EFHB: variants seen among roughly 807,000 people sequenced by gnomAD.
EFHB encodes EF-hand domain family member B, also known as EF-hand domain-containing family member B.
A neutral mutation model predicts 87.2 loss-of-function variants in EFHB; 91 were observed. That is an observed-to-expected ratio of 1.04 (90% CI 0.88 to 1.24). EFHB has a LOEUF of 1.24. EFHB is among the 50% of genes most tolerant of loss of function. The pLI, the probability that EFHB is intolerant of heterozygous loss-of-function variation, is 0.00. For synonymous variants in EFHB, 325 were observed against 333.6 expected (o/e 0.97, Z 0.28); for missense variants, 1,084 against 998.8 (o/e 1.09, Z -1.15).
chr3:19,920,532 T>A lies in EFHB; in HGVS notation c.825A>T (p.Ala275=). Residue 275 remains alanine (A), a synonymous_variant, in exon 2 of 13, where the codon GCA becomes GCT. Coordinates refer to ENST00000295824, the MANE Select transcript of EFHB (RefSeq NM_144715.4). ...TGGGAAGTTTTTCAGTCAAGCAGGT[T>A]GCAACTCTGTAACCAACTGGAATAA... ...GKVIPVGYRV[A]TCLTEKLPRL... 1.9e-6 allele frequency: 3 copies of A among 1,604,566 alleles called. No individual in the cohort carries two copies. The highest frequency in any genetic ancestry group is 2.5e-6 in the Non-Finnish European group (3 of 1,176,734).
At chr3:19,924,451 A>G (rs533426787) in intron 1 of EFHB, among the ~76,000 whole-genome samples, 7 of 152,112 alleles carry the variant, frequency 4.6e-5, no homozygotes, top group Admixed American at 2.6e-4. Context: ...TGACCTCGTG[A>G]TCCTCCCTCC....
intron 1 of EFHB, among the ~76,000 whole-genome samples, chr3:19,939,435 A>G (rs1268283102): frequency 2.6e-5 from 3 of 114,624 alleles, no homozygotes; most frequent in African/African-American, 1.0e-4. Context: ...CCCAGGCTGG[A>G]GTGCAGTGGC....
chr3:19,881,153 A>G (rs2125121121), intron 12 of EFHB, among the ~76,000 whole-genome samples: 1 of 152,150 alleles, frequency 6.6e-6, no homozygotes, highest in South Asian at 2.1e-4. Flanking sequence ...AAAACACAAT[A>G]CCCCTATGCA....
At chr3:19,883,062 A>G (rs1018452192) in intron 11 of EFHB, among the ~76,000 whole-genome samples, 6 of 151,910 alleles carry the variant, frequency 3.9e-5, no homozygotes, top group Middle Eastern at 6.9e-3. Context: ...ATGCAGTGGC[A>G]TGATCACAGC....
intron 9 of EFHB, among the ~76,000 whole-genome samples, chr3:19,893,233 G>A (rs1034957945): frequency 3.3e-5 from 5 of 152,120 alleles, no homozygotes; most frequent in African/African-American, 1.2e-4. Flanking sequence ...GAGCCACCAT[G>A]CCCAGCCCAT....
intron 9 of EFHB, among the ~76,000 whole-genome samples, chr3:19,891,975 C>T (rs1281462949): frequency 1.3e-5 from 2 of 152,162 alleles, no homozygotes; most frequent in African/African-American, 4.8e-5. Flanking sequence ...GGATCTCCCT[C>T]ATGCTCCTGA....
At chr3:19,896,905 T>TA in intron 8 of EFHB, 64 bp from the exon 9 acceptor site, 3 of 1,422,020 alleles carry the variant, frequency 2.1e-6, no homozygotes, top group Non-Finnish European at 1.9e-6. Flanking sequence ...TTCTATCTTT[T>TA]AAAAAAAGTG....
In EFHB at chr3:19,898,652, CA is replaced by C. The variant is rs2125130035; in HGVS notation, c.1570+125del. On this transcript the variant is annotated intron_variant, in intron 8 of 12. Transcript: ENST00000295824. ...TACACTTTTCTCATTAATGTTAATGCAACATTTTAAGTCTTTAAAATTAGAA... is the reference window on the plus strand; with the variant it reads ...TACACTTTTCTCATTAATGTTAATGCACATTTTAAGTCTTTAAAATTAGAA... The C allele has an allele frequency of 9.5e-6, 9 of 948,532 alleles. No individual in the cohort carries two copies. The South Asian group carries it at 1.1e-4, about 12-fold the overall frequency. The allele number at this position is 948,532 out of a possible 1,614,324, so 58.8% of individuals were successfully genotyped here. A position where few individuals can be genotyped will look rare whatever the true frequency, so the allele number is the denominator to read the frequency against.
At chr3:19,929,838 A>G (rs189945469) in intron 1 of EFHB, among the ~76,000 whole-genome samples, 111 of 152,308 alleles carry the variant, frequency 7.3e-4, no homozygotes, top group Non-Finnish European at 1.2e-3. Flanking sequence ...TTTGCACTCG[A>G]TAATAACAAC....
chr3:19,890,277 C>A (rs1347337697), intron 9 of EFHB, among the ~76,000 whole-genome samples: 2 of 152,180 alleles, frequency 1.3e-5, no homozygotes, highest in African/African-American at 4.8e-5. Context: ...TCCCTCCCTC[C>A]CCCAAGCCCT....
In EFHB at chr3:19,934,178, T is replaced by C; in HGVS notation, c.-160A>G. On this transcript the variant is annotated 5_prime_UTR_variant, in exon 1 of 13. Transcript: ENST00000295824. ...CTGTCCATTGCTTCCTGCCTGCCTC[T>C]TAACACCTAGCCGAGTTCACAGAGG... is the stretch of plus-strand genomic sequence containing the variant. 1 of 1,443,392 alleles carries C rather than the reference T, an allele frequency of 6.9e-7. No individual in the cohort carries two copies. The highest frequency in any genetic ancestry group is 9.0e-7 in the Non-Finnish European group (1 of 1,106,934). 89.4% of individuals were successfully genotyped at this position (1,443,392 alleles called of 1,614,324 possible).
intron 6 of EFHB, among the ~76,000 whole-genome samples, chr3:19,901,330 C>T (rs1207947690): frequency 2.0e-5 from 3 of 152,106 alleles, no homozygotes; most frequent in South Asian, 4.1e-4. Flanking sequence ...TCTTTTGAAA[C>T]GTGTAAAATT....
intron 9 of EFHB, among the ~76,000 whole-genome samples, chr3:19,889,516 T>C (rs1694228890): frequency 6.6e-6 from 1 of 152,200 alleles, no homozygotes; most frequent in Admixed American, 6.5e-5. Context: ...GCGTAGTATT[T>C]AAGCTCTTAC....
chr3:19,905,921 T>C (rs757258386), intron 5 of EFHB, among the ~76,000 whole-genome samples, 172 bp from the exon 6 acceptor site: 2 of 152,332 alleles, frequency 1.3e-5, no homozygotes. Flanking sequence ...CATTCCCCCA[T>C]GTGAGCTGGG....
rs540599213 is a variant in EFHB at position 19,931,020 on chromosome 3, C to T, written c.789+2210G>A. On this transcript the variant is annotated intron_variant, in intron 1 of 12. Transcript: ENST00000295824. Reference sequence around the variant, plus strand: ...AAAAAAAGAAGGAAAAAAAATTAGCCGGGTGTGGTGGCATGCTCCTAGAAT... The same window carrying T: ...AAAAAAAGAAGGAAAAAAAATTAGCTGGGTGTGGTGGCATGCTCCTAGAAT... Among the ~76,000 whole-genome samples, 42 of 152,110 alleles carry T rather than the reference C, an allele frequency of 2.8e-4. 1 individual carries two copies. The highest frequency in any genetic ancestry group is 8.9e-4 in the African/African-American group (37 of 41,514).
chr3:19,898,870 T>C (rs1559453121), intron 7 of EFHB, 25 bp from the exon 8 acceptor site: 1 of 1,608,532 alleles, frequency 6.2e-7, no homozygotes, highest in Non-Finnish European at 8.5e-7. Flanking sequence ...AAATCCTTAG[T>C]TAAAATACCC....
At chr3:19,936,333 G>C, upstream of EFHB, 1 of 425,370 alleles carries the variant, frequency 2.4e-6, no homozygotes, top group Non-Finnish European at 4.1e-6. Flanking sequence ...CTGGGCGACA[G>C]ACTGAAAAAA....
intron 9 of EFHB, among the ~76,000 whole-genome samples, chr3:19,893,039 C>T (rs1326031302): frequency 6.6e-6 from 1 of 151,670 alleles, no homozygotes; most frequent in Non-Finnish European, 1.5e-5. Context: ...GCAACCTCTG[C>T]CTCCCAAGTT....
At chr3:19,886,413 C>A (rs1439719064) in intron 10 of EFHB, among the ~76,000 whole-genome samples, 1 of 152,014 alleles carries the variant, frequency 6.6e-6, no homozygotes, top group East Asian at 1.9e-4. Flanking sequence ...ATGTAAATAT[C>A]TTTTTAAAAA....
Sources: gnomAD v4.1 joint callset for allele counts (sites outside exome capture counted in the v4.1 genomes callset) on GRCh38, gnomAD v4.1.1 for gene constraint, MANE v1.5 for transcripts, NCBI Gene and HGNC (gene_info 2026-07-23, HGNC 2026-07-21) for gene names.